Variants in RNF213 observed in about 807,000 individuals in gnomAD.
RNF213 encodes ring finger protein 213.
Under a neutral mutation model 514.4 loss-of-function variants are expected in RNF213, and 341 were observed. The observed-to-expected ratio is 0.66, with a 90% CI of 0.61 to 0.73. The LOEUF (loss-of-function observed/expected upper bound fraction) is 0.73, where lower values mean the gene tolerates loss of function less well. Ranked by LOEUF, RNF213 falls within the 30% of genes least tolerant of loss-of-function variation. The pLI, the probability that RNF213 is intolerant of heterozygous loss-of-function variation, is 0.00. For synonymous variants in RNF213, 2,655 were observed against 2,658.2 expected (o/e 1.00, Z 0.04); for missense variants, 5,767 against 6,615.6 (o/e 0.87, Z 4.45).
intron 63 of RNF213, among the ~76,000 whole-genome samples, chr17:80,388,312 T>A (rs2080320349): frequency 6.6e-6 from 1 of 152,220 alleles, no homozygotes; most frequent in Non-Finnish European, 1.5e-5. Flanking sequence ...GCTGAATGAA[T>A]AAATGAATGG....
chr17:80,390,067 C>T lies in RNF213; in HGVS notation c.15341C>T (p.Ala5114Val), dbSNP rs775086529. Residue 5114 changes from alanine to valine, a missense_variant, in exon 67 of 68, where the codon GCT (alanine) becomes GTT (valine). Physicochemically the swap from Ala to Val is moderately conservative, Grantham distance 64. Coordinates refer to ENST00000582970, the MANE Select transcript of RNF213 (RefSeq NM_001256071.3). ...RYKADLSPEN[A>V]KLLSTFLNQT... ...AAAGCGGATCTGAGCCCGGAAAATG[C>T]TAAGCTCCTCAGCACATTCCTAAAT... is the stretch of plus-strand genomic sequence containing the variant. 1.9e-6 allele frequency: 3 copies of T among 1,614,084 alleles called. No homozygotes were observed. Among genetic ancestry groups the T allele is most frequent in the Non-Finnish European group, 2.5e-6 (3 of 1,180,040 alleles).
chr17:80,278,520 C>T (rs2044149344), intron 3 of RNF213, among the ~76,000 whole-genome samples: 1 of 152,182 alleles, frequency 6.6e-6, no homozygotes, highest in Non-Finnish European at 1.5e-5. Flanking sequence ...GTGGGCAGTT[C>T]TCCTCTTACG....
chr17:80,345,381 A>ACCTGTACCAGGGC lies in RNF213; in HGVS notation c.7048_7060dup (p.Leu2354ProfsTer17). On this transcript the variant is annotated frameshift_variant, in exon 29 of 68. Transcript: ENST00000582970. LOFTEE classifies it high-confidence loss of function. The surrounding 1 kb of genome is among the most constrained non-coding windows in gnomAD (Gnocchi z 6.0). ...ATCAAGAGAGACGTCATGACCAGGG[A>ACCTGTACCAGGGC]CCTGTACCAGGGCCTGCTGCTCCAG... 2 of 1,614,086 alleles carry ACCTGTACCAGGGC rather than the reference A, an allele frequency of 1.2e-6. No homozygotes were observed. The highest frequency in any genetic ancestry group is 1.7e-6 in the Non-Finnish European group (2 of 1,180,024).
In RNF213 at chr17:80,319,256, A is replaced by G. The variant is rs1004818115; in HGVS notation, c.2968A>G (p.Ser990Gly). The change falls in exon 17 of 68, where the codon AGT becomes GGT. Residue 990 changes from serine to glycine, a missense_variant. Ser to Gly is a moderately conservative substitution (Grantham distance 56). This residue lies in a region of RNF213 where 516 missense variants were observed against 566.5 expected (regional missense o/e 0.91). Transcript: ENST00000582970. ...CTGGGACACCAAAGGCTTAGAGGAC[A>G]GTGTGGCCAAGACCTTCGAGAAATG... ...SCWDTKGLEDSVAKTFEKCII... is the reference protein window; with the variant it reads ...SCWDTKGLEDGVAKTFEKCII... 3 of 1,614,218 alleles carry G rather than the reference A, an allele frequency of 1.9e-6. No individual in the cohort carries two copies. The highest frequency in any genetic ancestry group is 2.5e-6 in the Non-Finnish European group (3 of 1,180,046).
chr17:80,274,031 G>GGTCT (rs2043926945), intron 3 of RNF213, among the ~76,000 whole-genome samples: 1 of 152,146 alleles, frequency 6.6e-6, no homozygotes. Context: ...AGCTTCTGTG[G>GGTCT]GTCTCTTTGC....
intron 39 of RNF213, 143 bp from the exon 40 acceptor site, chr17:80,362,958 TG>T: frequency 2.5e-6 from 2 of 805,720 alleles, no homozygotes; most frequent in Non-Finnish European, 2.0e-6. Flanking sequence ...GATAGAAAAC[TG>T]GACAGAAGCA....
At position 80,339,275 on chromosome 17, in the gene RNF213, G is replaced by T; in HGVS notation, c.4908G>T (p.Thr1636=). ...LHSAGNMLFR[T]WIAMAYCSPK... ...CTGCTGGGAATATGCTGTTCAGGAC[G>T]TGGATCGCCATGGCCTACTGCTCCC... Residue 1636 remains threonine, a synonymous_variant, in exon 26 of 68, where the codon ACG becomes ACT. Transcript: ENST00000582970. 1.3e-6 allele frequency: 2 copies of T among 1,534,320 alleles called. No homozygotes were observed. The highest frequency in any genetic ancestry group is 1.2e-5 in the South Asian group (1 of 83,870).
Position 80,343,290 on chromosome 17 carries a change from G to T in RNF213, c.6148G>T (p.Val2050Phe). 1 of 1,613,246 alleles carries T rather than the reference G, an allele frequency of 6.2e-7. No individual in the cohort carries two copies. The highest frequency in any genetic ancestry group is 8.5e-7 in the Non-Finnish European group (1 of 1,179,814). ...LPFLDAQYQK[V>F]PVLFHLDVTS... ...CTTCCTGGATGCGCAGTATCAGAAG[G>T]TCCCCGTGCTCTTTCACCTGGACGT... The change falls in exon 27 of 68, where the codon GTC becomes TTC. Residue 2050 changes from valine to phenylalanine, a missense_variant. Val to Phe is a conservative substitution (Grantham distance 50, BLOSUM62 -1). Coordinates refer to ENST00000582970, the MANE Select transcript of RNF213 (RefSeq NM_001256071.3). The surrounding 1 kb of genome is among the most constrained non-coding windows in gnomAD (Gnocchi z 4.3).
In RNF213 at chr17:80,306,089, C is replaced by T. The variant is rs74946385; in HGVS notation, c.2211-163C>T. 5.3e-3 allele frequency among the ~76,000 whole-genome samples: 811 copies of T among 151,776 alleles called. 7 individuals are homozygous for T. The highest frequency in any genetic ancestry group is 0.019 in the African/African-American group (788 of 41,356). Reference sequence around the variant, plus strand: ...AAGTGATCCTCCCGAGTCAGCCTCCCAAGTATTGGGATTCAGGTGTGAGCC... The same window carrying T: ...AAGTGATCCTCCCGAGTCAGCCTCCTAAGTATTGGGATTCAGGTGTGAGCC... On this transcript the variant is annotated intron_variant, in intron 11 of 67. Coordinates refer to ENST00000582970, the MANE Select transcript of RNF213 (RefSeq NM_001256071.3).
intron 42 of RNF213, chr17:80,365,124 A>G: frequency 6.1e-6 from 1 of 165,144 alleles, no homozygotes; most frequent in Non-Finnish European, 1.3e-5. Context: ...GTGTCCAGCA[A>G]CAGTGGCCAC....
chr17:80,271,411 A>T (rs1261780065), intron 2 of RNF213, among the ~76,000 whole-genome samples: 5 of 152,162 alleles, frequency 3.3e-5, no homozygotes, highest in African/African-American at 9.7e-5. Context: ...AGAGGAGGAG[A>T]GGGCAGTGAC....
At chr17:80,350,152 C>T in intron 30 of RNF213, 149 bp from the exon 31 acceptor site, 1 of 752,700 alleles carries the variant, frequency 1.3e-6, no homozygotes, top group Admixed American at 2.1e-5. Flanking sequence ...CTTGGGTTTC[C>T]TCCCCTGGAC....
At chr17:80,368,202 C>T in intron 44 of RNF213, 59 bp downstream of exon 44, 10 of 1,556,568 alleles carry the variant, frequency 6.4e-6, no homozygotes, top group Non-Finnish European at 8.9e-6. Context: ...TTTTGGCAAA[C>T]ACAATATTCA....
At position 80,381,684 on chromosome 17, in the gene RNF213, C is replaced by T. The variant is rs1226790718; in HGVS notation, c.13935C>T (p.Val4645=). The change falls in exon 57 of 68, where the codon GTC becomes GTT. Residue 4645 remains valine, a synonymous_variant. Coordinates refer to ENST00000582970, the MANE Select transcript of RNF213 (RefSeq NM_001256071.3). Reference sequence around the variant, plus strand: ...AGACCATCGGCGTGGTCCACCTCGTCCTGCGCAGGCTTCTCCAAGAGCAGC... The same window carrying T: ...AGACCATCGGCGTGGTCCACCTCGTTCTGCGCAGGCTTCTCCAAGAGCAGC... The part of the protein sequence containing the change: ...ADETIGVVHL[V]LRRLLQEQHQ... The T allele has an allele frequency of 6.2e-7, 1 of 1,614,150 alleles. No individual in the cohort carries two copies. The highest frequency in any genetic ancestry group is 1.7e-5 in the Admixed American group (1 of 60,030).
intron 67 of RNF213, among the ~76,000 whole-genome samples, chr17:80,392,688 C>G (rs909137449): frequency 6.6e-6 from 1 of 151,798 alleles, no homozygotes; most frequent in Non-Finnish European, 1.5e-5. Flanking sequence ...CTCCTGGGTT[C>G]AAGTGATTTT....
rs748701727 is a variant in RNF213, at chr17:80,346,416, A to T, written c.8081A>T (p.His2694Leu). 5 of 1,613,460 alleles carry T rather than the reference A, an allele frequency of 3.1e-6. No individual in the cohort carries two copies. The highest frequency in any genetic ancestry group is 3.3e-4 in the Middle Eastern group (2 of 6,062). The change falls in exon 29 of 68, where the codon CAT (histidine) becomes CTT (leucine). Residue 2694 changes from histidine (H) to leucine (L), a missense_variant. His to Leu is a moderately conservative substitution (Grantham distance 99). Around this residue, in one of 13 missense-constraint regions of RNF213, gnomAD observed 1,377 missense variants for 1,635.2 expected, o/e 0.84. Transcript: ENST00000582970. This position sits in a 1 kb window ranked among gnomAD's most constrained non-coding sequence, Gnocchi z 8.1. ...ATGCTGGCCATCGGGGTGTGTTACC[A>T]TGCCTCTTTAGAAAAGAAAGACTCA... ...SLMLAIGVCY[H>L]ASLEKKDSYR... is the part of the protein sequence containing the mutation.
Position 80,381,288 on chromosome 17 carries a change from A to AG in RNF213, c.13798-256dup, listed in dbSNP as rs533742652. The stretch of plus-strand genomic sequence containing the variant: ...TTTTACCTGTGTCTTCATTGTAGCT[A>AG]GGGAAGAAAGAGCACACTGCATAAC... On this transcript the variant is annotated intron_variant, in intron 56 of 67. Coordinates refer to ENST00000582970, the MANE Select transcript of RNF213 (RefSeq NM_001256071.3). 2.4e-4 allele frequency: 140 copies of AG among 594,840 alleles called. No homozygotes were observed. The East Asian group carries it at 3.7e-3, about 16-fold the overall frequency. The allele number at this position is 594,840 out of a possible 1,614,324, so 36.8% of individuals were successfully genotyped here. A position where few individuals can be genotyped will look rare whatever the true frequency, so the allele number is the denominator to read the frequency against.
In RNF213 at chr17:80,377,437, CA is replaced by C. The variant is rs5822350; in HGVS notation, c.13511-312del. Among the ~76,000 whole-genome samples, 320 of 143,222 alleles carry C rather than the reference CA, an allele frequency of 2.2e-3. No homozygotes were observed. The highest frequency in any genetic ancestry group is 0.018 in the East Asian group (89 of 4,918). The allele number at this position is 143,222 out of a possible 152,430, so 94.0% of individuals were successfully genotyped here. A position where few individuals can be genotyped will look rare whatever the true frequency, so the allele number is the denominator to read the frequency against. ...AAGTTGTTATAAAATATGCTCATGA[CA>C]AAAAAAAAAAAATCAAGGAAAATAG... On this transcript the variant is annotated intron_variant, in intron 53 of 67. Transcript: ENST00000582970. The surrounding 1 kb of genome is among the most constrained non-coding windows in gnomAD (Gnocchi z 4.1).
intron 1 of RNF213, among the ~76,000 whole-genome samples, 191 bp downstream of exon 1, chr17:80,261,093 A>C (rs1034219192): frequency 6.6e-6 from 1 of 151,732 alleles, no homozygotes; most frequent in Admixed American, 6.5e-5. Flanking sequence ...CGCGGCGCCC[A>C]CTGACCCTGT....
Sources: gnomAD v4.1 joint callset for allele counts (sites outside exome capture counted in the v4.1 genomes callset) on GRCh38, gnomAD v4.1.1 for gene constraint, gnomAD v4.1.1 regional missense constraint, Gnocchi (gnomAD v3.1) non-coding constraint, MANE v1.5 for transcripts, NCBI Gene and HGNC (gene_info 2026-07-23, HGNC 2026-07-21) for gene names.